RAD51B: variants seen among roughly 807,000 people sequenced by gnomAD.
RAD51B encodes the protein DNA repair protein RAD51 homolog 2.
In RAD51B, 38 loss-of-function variants were observed where a neutral mutation model predicts 42.2. The observed-to-expected ratio is 0.90, with a 90% CI of 0.70 to 1.18. The LOEUF (loss-of-function observed/expected upper bound fraction) is 1.18, where lower values mean the gene tolerates loss of function less well. Among genes scored for constraint, RAD51B ranks in the 50% most tolerant of loss-of-function variants. The pLI is 0.00. For missense variants in RAD51B, 373 were observed against 400.7 expected (o/e 0.93, Z 0.59); for synonymous variants, 154 against 145.2 (o/e 1.06, Z -0.43).
intron 9 of RAD51B, among the ~76,000 whole-genome samples, chr14:68,428,724 T>C (rs1328815264): frequency 2.2e-4 from 1 of 4,466 alleles, no homozygotes. Context: ...TATATATATA[T>C]ATATATATAT....
rs142586613 is a variant in RAD51B at position 68,052,218 on chromosome 14, A to G, written c.756+165014A>G. 8.3e-3 allele frequency among the ~76,000 whole-genome samples: 1,260 copies of G among 152,300 alleles called. 6 individuals carry two copies. Among genetic ancestry groups the G allele is most frequent in the Non-Finnish European group, 0.014 (943 of 68,012 alleles). ...TATACCAGAAATCTCTTAAATTACAATTTGTTTCTTAGGTCTAGCATGAGT... is the reference window on the plus strand; with the variant it reads ...TATACCAGAAATCTCTTAAATTACAGTTTGTTTCTTAGGTCTAGCATGAGT... On this transcript the variant is annotated intron_variant, in intron 7 of 10. Coordinates refer to ENST00000471583, the MANE Select transcript of RAD51B (RefSeq NM_133510.4).
At chr14:67,933,569 G>T (rs190406241) in intron 7 of RAD51B, among the ~76,000 whole-genome samples, 167 of 152,326 alleles carry the variant, frequency 1.1e-3, no homozygotes, top group African/African-American at 3.8e-3. Context: ...GCAGTCCACA[G>T]TGGGGACATG....
intron 8 of RAD51B, among the ~76,000 whole-genome samples, chr14:68,315,440 A>G (rs1011128545): frequency 6.6e-6 from 1 of 152,212 alleles, no homozygotes; most frequent in Non-Finnish European, 1.5e-5. Flanking sequence ...CAACAACATC[A>G]TCATCATTTT....
chr14:68,235,454 C>G (rs931960665), intron 7 of RAD51B, among the ~76,000 whole-genome samples: 1 of 151,700 alleles, frequency 6.6e-6, no homozygotes, highest in African/African-American at 2.4e-5. Flanking sequence ...CCTGTAATCC[C>G]AGCACTTTGG....
rs1056534120 is a variant in RAD51B at position 67,927,748 on chromosome 14, TTG to T, written c.756+40554_756+40555del. 4.7e-5 allele frequency among the ~76,000 whole-genome samples: 7 copies of T among 149,684 alleles called. No homozygotes were observed. The East Asian group carries it at 5.8e-4, about 12-fold the overall frequency. ...GTGTGTGTATTATATAATATATTCA[TTG>T]TGTGTGTGTATATATTATATATATA... On this transcript the variant is annotated intron_variant, in intron 7 of 10. Coordinates refer to ENST00000471583, the MANE Select transcript of RAD51B (RefSeq NM_133510.4).
intron 10 of RAD51B, among the ~76,000 whole-genome samples, chr14:68,568,859 T>C (rs750441704): frequency 1.3e-5 from 2 of 152,232 alleles, no homozygotes; most frequent in Non-Finnish European, 2.9e-5. Context: ...ATGCAAGAAG[T>C]CTGGTTAATT....
At chr14:68,003,282 A>G (rs1176772399) in intron 7 of RAD51B, among the ~76,000 whole-genome samples, 1 of 152,116 alleles carries the variant, frequency 6.6e-6, no homozygotes, top group African/African-American at 2.4e-5. Context: ...TCTTTGTAGC[A>G]ATTGTGAATG....
intron 10 of RAD51B, among the ~76,000 whole-genome samples, chr14:68,594,133 C>A (rs752658588): frequency 5.3e-5 from 8 of 152,060 alleles, no homozygotes; most frequent in African/African-American, 9.7e-5. Context: ...CCGTGCTCCC[C>A]ACCCCCACAC....
intron 8 of RAD51B, among the ~76,000 whole-genome samples, chr14:68,310,274 C>G (rs964661919): frequency 6.6e-6 from 1 of 152,166 alleles, no homozygotes; most frequent in African/African-American, 2.4e-5. Context: ...ATACCCTGCT[C>G]ACTGTAGGAT....
intron 8 of RAD51B, among the ~76,000 whole-genome samples, chr14:68,293,367 A>G (rs1019560970): frequency 9.9e-5 from 15 of 152,210 alleles, no homozygotes; most frequent in Non-Finnish European, 2.1e-4. Flanking sequence ...TATTTATACC[A>G]TGGAAATCAG....
At chr14:67,890,486 G>C (rs1482577667) in intron 7 of RAD51B, among the ~76,000 whole-genome samples, 1 of 151,294 alleles carries the variant, frequency 6.6e-6, no homozygotes, top group Admixed American at 6.6e-5. Context: ...TATACTTTAA[G>C]TTTTAGGGTA....
At chr14:68,044,962 A>G (rs1288598307) in intron 7 of RAD51B, among the ~76,000 whole-genome samples, 9 of 152,120 alleles carry the variant, frequency 5.9e-5, no homozygotes, top group Non-Finnish European at 1.2e-4. Context: ...ATGACTGGCC[A>G]GGCGTGGTGG....
intron 7 of RAD51B, among the ~76,000 whole-genome samples, chr14:68,065,434 A>C (rs2076634824): frequency 6.6e-6 from 1 of 152,040 alleles, no homozygotes; most frequent in Admixed American, 6.5e-5. Flanking sequence ...CTCAGGGAAA[A>C]CATGGAAATG....
chr14:68,263,589 A>C (rs901566016), intron 7 of RAD51B, among the ~76,000 whole-genome samples: 2 of 152,248 alleles, frequency 1.3e-5, no homozygotes, highest in African/African-American at 4.8e-5. Context: ...GTAAAGATAA[A>C]TATGTTTCAT....
chr14:67,862,419 C>T (rs1365828088), intron 4 of RAD51B, among the ~76,000 whole-genome samples: 1 of 117,180 alleles, frequency 8.5e-6, no homozygotes, highest in Non-Finnish European at 1.9e-5. Flanking sequence ...TAAATGTAAG[C>T]AAAAAAAAAA....
chr14:68,493,623 A>G (rs1884257252), intron 10 of RAD51B, among the ~76,000 whole-genome samples: 1 of 152,226 alleles, frequency 6.6e-6, no homozygotes, highest in Non-Finnish European at 1.5e-5. Context: ...TTTACACTGT[A>G]TGGGGACAAA....
intron 10 of RAD51B, among the ~76,000 whole-genome samples, chr14:68,548,270 C>G (rs913217363): frequency 6.6e-6 from 1 of 152,330 alleles, no homozygotes; most frequent in East Asian, 1.9e-4. Flanking sequence ...CTCACTCTCC[C>G]GCTGTGGCTC....
chr14:68,669,943 C>A (rs979417276), intron 11 of RAD51B, among the ~76,000 whole-genome samples: 3 of 152,218 alleles, frequency 2.0e-5, no homozygotes, highest in Non-Finnish European at 4.4e-5. Flanking sequence ...GAATTGTCTG[C>A]CTGCTGGTGG....
rs117253701 is a variant in RAD51B, at chr14:68,575,998, T to C, written c.1037-18487T>C. ...CCAGGAACTAGCAATAGTGGGAAGA[T>C]GATACCAGCCCTCAGCCAAAGGAGC... On this transcript the variant is annotated intron_variant, in intron 10 of 10. Coordinates refer to the RAD51B transcript ENST00000487270. 4.6e-3 allele frequency among the ~76,000 whole-genome samples: 706 copies of C among 152,156 alleles called. 6 individuals are homozygous for C. The highest frequency in any genetic ancestry group is 6.8e-3 in the Middle Eastern group (2 of 294).
Sources: gnomAD v4.1 joint callset for allele counts (sites outside exome capture counted in the v4.1 genomes callset) on GRCh38, gnomAD v4.1.1 for gene constraint, MANE v1.5 for transcripts, NCBI Gene and HGNC (gene_info 2026-07-23, HGNC 2026-07-21) for gene names.